Variants in PTPA observed in about 807,000 individuals in gnomAD.
The protein encoded by PTPA is serine/threonine-protein phosphatase 2A activator.
In PTPA, 13 loss-of-function variants were observed where a neutral mutation model predicts 43.6. The observed-to-expected ratio is 0.30, with a 90% confidence interval of 0.19 to 0.47. The LOEUF (loss-of-function observed/expected upper bound fraction) is 0.47. Among genes scored for constraint, PTPA ranks in the 20% least tolerant of loss-of-function variants. PTPA has a pLI of 0.99. For synonymous variants in PTPA, 172 were observed against 158.2 expected (o/e 1.09, Z -0.66); for missense variants, 329 against 411.9 (o/e 0.80, Z 1.74).
chr9:129,132,742 T>C (rs1485500637), intron 5 of PTPA, among the ~76,000 whole-genome samples: 2 of 152,208 alleles, frequency 1.3e-5, no homozygotes, highest in African/African-American at 4.8e-5. Context: ...TCCACCCACC[T>C]TGGCCTCCCA....
rs190401220 is a variant in PTPA at position 129,133,779 on chromosome 9, C to A, written c.461-1016C>A. Among the ~76,000 whole-genome samples the A allele has an allele frequency of 1.4e-4, 22 of 152,340 alleles. No homozygotes were observed. In the East Asian group the frequency reaches 2.9e-3, roughly 20 times the overall value. On this transcript the variant is annotated intron_variant, in intron 5 of 9. Transcript: ENST00000393370. Reference sequence around the variant, plus strand: ...AAAAGGCCCATGTGACCTGTAGCCTCCTGTCATTACACGTTCTCCCTTGCT... The same window carrying A: ...AAAAGGCCCATGTGACCTGTAGCCTACTGTCATTACACGTTCTCCCTTGCT...
chr9:129,137,512 G>T (rs564269669), intron 7 of PTPA, 80 bp from the exon 8 acceptor site: 7 of 1,145,784 alleles, frequency 6.1e-6, no homozygotes, highest in Admixed American at 2.1e-5. Flanking sequence ...AGGCCCCTGG[G>T]GGGGTGTGAC....
chr9:129,129,166 C>T, intron 4 of PTPA, 56 bp downstream of exon 4: 1 of 1,599,144 alleles, frequency 6.3e-7, no homozygotes, highest in Non-Finnish European at 8.5e-7. Context: ...GTGGTTCTGG[C>T]ACCAGTTGGG....
chr9:129,133,804 T>C (rs1850152528), intron 5 of PTPA, among the ~76,000 whole-genome samples: 1 of 152,228 alleles, frequency 6.6e-6, no homozygotes, highest in Non-Finnish European at 1.5e-5. Context: ...TCTCCCTTGC[T>C]CTCACTGCCT....
chr9:129,135,440 G>T (rs892425737), intron 6 of PTPA, among the ~76,000 whole-genome samples: 1 of 152,166 alleles, frequency 6.6e-6, no homozygotes, highest in African/African-American at 2.4e-5. Context: ...TTGACACAGT[G>T]TTGACCATAT....
intron 3 of PTPA, among the ~76,000 whole-genome samples, chr9:129,124,146 C>G (rs1193045133): frequency 1.3e-5 from 2 of 152,174 alleles, no homozygotes; most frequent in East Asian, 1.9e-4. Flanking sequence ...CAGTGGTCAC[C>G]CAGGAAAGCA....
At position 129,136,442 on chromosome 9, in the gene PTPA, A is replaced by G. The variant is rs557427257; in HGVS notation, c.561-29A>G. The stretch of plus-strand genomic sequence containing the variant: ...TGAGACTGTCTTTTTACTTTTTGCT[A>G]CCTTCCCTTTCCCTGTCCTCCTGTG... On this transcript the variant is annotated intron_variant, in intron 6 of 9. Coordinates refer to ENST00000393370, the MANE Select transcript of PTPA (RefSeq NM_178000.3). 38 of 1,587,920 alleles carry G rather than the reference A, an allele frequency of 2.4e-5. No individual in the cohort carries two copies. The South Asian group carries it at 2.7e-4, about 11-fold the overall frequency.
intron 9 of PTPA, chr9:129,142,819 C>A: frequency 6.5e-7 from 1 of 1,534,386 alleles, no homozygotes; most frequent in South Asian, 1.2e-5. Context: ...CAAGGACCTG[C>A]TGCATGGGGA....
At chr9:129,112,962 G>C (rs996519123) in intron 1 of PTPA, among the ~76,000 whole-genome samples, 1 of 151,672 alleles carries the variant, frequency 6.6e-6, no homozygotes, top group Non-Finnish European at 1.5e-5. Flanking sequence ...AAAAACCGGG[G>C]TGTCCACTCT....
chr9:129,111,906 C>A (rs1405534314), intron 1 of PTPA: 3 of 759,708 alleles, frequency 3.9e-6, no homozygotes, highest in Non-Finnish European at 5.4e-6. Context: ...GTGGGCAGCG[C>A]CGTGGTCATA....
At chr9:129,125,567 T>C in intron 3 of PTPA, among the ~76,000 whole-genome samples, 1 of 152,138 alleles carries the variant, frequency 6.6e-6, no homozygotes, top group Non-Finnish European at 1.5e-5. Flanking sequence ...GCTCAAGGGC[T>C]GTACTTTGGC....
rs529511358 is a variant in PTPA at position 129,138,749 on chromosome 9, C to T, written c.786+1057C>T. On this transcript the variant is annotated intron_variant, in intron 8 of 9. Coordinates refer to ENST00000393370, the MANE Select transcript of PTPA (RefSeq NM_178000.3). Reference sequence around the variant, plus strand: ...GCTGGGTTATAACCAGCAGCCTTGGCTCCAGGCTCTTCCTGGTCAACATTC... The same window carrying T: ...GCTGGGTTATAACCAGCAGCCTTGGTTCCAGGCTCTTCCTGGTCAACATTC... Among the ~76,000 whole-genome samples, 12 of 152,366 alleles carry T rather than the reference C, an allele frequency of 7.9e-5. No individual in the cohort carries two copies. The South Asian group carries it at 2.5e-3, about 32-fold the overall frequency.
intron 1 of PTPA, among the ~76,000 whole-genome samples, chr9:129,118,680 T>A (rs1179731196): frequency 6.8e-6 from 1 of 147,406 alleles, no homozygotes; most frequent in African/African-American, 2.5e-5. Flanking sequence ...CCGCCTAAAA[T>A]TTTTTTTTTT....
chr9:129,122,826 C>T (rs941831737), intron 2 of PTPA, among the ~76,000 whole-genome samples: 1 of 152,192 alleles, frequency 6.6e-6, no homozygotes, highest in Admixed American at 6.5e-5. Context: ...TTCACTCTGG[C>T]TGGAGATCAG....
At position 129,131,508 on chromosome 9, in the gene PTPA, T is replaced by C; in HGVS notation, c.343-14T>C. 1 of 1,611,724 alleles carries C rather than the reference T, an allele frequency of 6.2e-7. No individual in the cohort carries two copies. Among genetic ancestry groups the C allele is most frequent in the East Asian group, 2.2e-5 (1 of 44,882 alleles). ...TAATATGCTGCCACCACTTTGTGTC[T>C]CTTGTGTTACCAGGAAGCAGAAAAC... On this transcript the variant is annotated splice_polypyrimidine_tract_variant and intron_variant, in intron 4 of 9. Coordinates refer to ENST00000393370, the MANE Select transcript of PTPA (RefSeq NM_178000.3).
chr9:129,111,644 GGGCCA>G lies in PTPA; in HGVS notation c.31+18_31+22del. The G allele has an allele frequency of 3.1e-6, 4 of 1,280,892 alleles. No homozygotes were observed. The highest frequency in any genetic ancestry group is 3.0e-6 in the Non-Finnish European group (3 of 1,006,078). The allele number at this position is 1,280,892 out of a possible 1,614,324, so 79.3% of individuals were successfully genotyped here. On this transcript the variant is annotated intron_variant, in intron 1 of 9. Transcript: ENST00000393370. ...CAGCCGCCGCCAGGTAAGGCCGGCGGGGCCAGGCCGGGCCGGGGTCGGGTAGGGTG... is the reference window on the plus strand; with the variant it reads ...CAGCCGCCGCCAGGTAAGGCCGGCGGGGCCGGGCCGGGGTCGGGTAGGGTG...
At chr9:129,143,520 GA>G (rs892825308) in intron 9 of PTPA, 6 of 690,644 alleles carry the variant, frequency 8.7e-6, no homozygotes, top group Admixed American at 2.1e-5. Context: ...GCAGAGGCGG[GA>G]CAACGGGGAA....
At chr9:129,113,116 C>T (rs1236479672) in intron 1 of PTPA, among the ~76,000 whole-genome samples, 2 of 150,998 alleles carry the variant, frequency 1.3e-5, no homozygotes, top group Non-Finnish European at 1.5e-5. Flanking sequence ...TTTTTTGAGA[C>T]AGTGTCTCAC....
chr9:129,114,321 C>G (rs1051859577), intron 1 of PTPA, among the ~76,000 whole-genome samples: 1 of 152,196 alleles, frequency 6.6e-6, no homozygotes, highest in Non-Finnish European at 1.5e-5. Flanking sequence ...CCGCGCCCGG[C>G]GAGAAGTTCT....
Sources: allele counts gnomAD v4.1 joint callset (sites outside exome capture counted in the v4.1 genomes callset), GRCh38; gene constraint gnomAD v4.1.1; transcripts MANE v1.5; gene names NCBI Gene and HGNC (gene_info 2026-07-23, HGNC 2026-07-21).